The following DLGAP1 variants were observed in gnomAD, a reference collection of about 807,000 sequenced individuals.
The protein encoded by DLGAP1 is DLG associated protein 1.
DLGAP1 carries 11 observed loss-of-function variants against 90.8 expected under a neutral mutation model. That is an observed-to-expected ratio of 0.12 (90% CI 0.08 to 0.20). The LOEUF is 0.20. DLGAP1 is among the 10% of genes least tolerant of loss of function. The pLI, the probability that DLGAP1 is intolerant of heterozygous loss-of-function variation, is 1.00. For synonymous variants in DLGAP1, 558 were observed against 540.7 expected, an observed-to-expected ratio of 1.03 and a Z score of -0.44; for missense variants, 1,050 against 1,333.8, an observed-to-expected ratio of 0.79 and a Z score of 3.31.
intron 7 of DLGAP1, among the ~76,000 whole-genome samples, chr18:3,647,175 A>C (rs902179293): frequency 6.6e-6 from 1 of 151,722 alleles, no homozygotes; most frequent in Admixed American, 6.6e-5. Flanking sequence ...AATCGCTTGA[A>C]CCTGGGAGGC....
intron 1 of DLGAP1, among the ~76,000 whole-genome samples, chr18:4,207,697 G>A (rs1250868199): frequency 2.6e-5 from 4 of 152,082 alleles, no homozygotes; most frequent in Admixed American, 6.6e-5. Flanking sequence ...GGATCCACCC[G>A]CTTCTCCACA....
intron 1 of DLGAP1, among the ~76,000 whole-genome samples, chr18:4,280,510 A>T (rs1378089823): frequency 6.6e-6 from 1 of 152,190 alleles, no homozygotes; most frequent in African/African-American, 2.4e-5. Context: ...AATGGTAGAG[A>T]GGTGCTTAAA....
chr18:4,343,739 G>T (rs1320587022), intron 1 of DLGAP1, among the ~76,000 whole-genome samples: 1 of 152,102 alleles, frequency 6.6e-6, no homozygotes. Context: ...CATGGCACAT[G>T]TATACCTATG....
chr18:4,399,677 C>T (rs9950153), intron 1 of DLGAP1, among the ~76,000 whole-genome samples: 14,240 of 152,202 alleles, frequency 0.094, 1,191 homozygotes, highest in African/African-American at 0.23. Context: ...GATGTGAAGC[C>T]TACTACTTTT....
intron 1 of DLGAP1, among the ~76,000 whole-genome samples, chr18:4,307,317 ACAGACTC>A (rs930505250): frequency 2.6e-5 from 4 of 152,150 alleles, no homozygotes; most frequent in Admixed American, 2.6e-4. Flanking sequence ...TTGCTAGGTG[ACAGACTC>A]CTTCTCCTCT....
intron 7 of DLGAP1, among the ~76,000 whole-genome samples, chr18:3,614,200 G>C (rs1426186786): frequency 5.1e-5 from 1 of 19,582 alleles, no homozygotes; most frequent in Non-Finnish European, 7.8e-5. Flanking sequence ...GATTACAGGC[G>C]AGCCACCGTG....
chr18:3,904,656 TA>T (rs2148885707), intron 3 of DLGAP1, among the ~76,000 whole-genome samples: 1 of 152,326 alleles, frequency 6.6e-6, no homozygotes, highest in Admixed American at 6.5e-5. Flanking sequence ...TTTAACCACT[TA>T]ATGAATCAGT....
chr18:4,353,287 C>T (rs1018937512), intron 1 of DLGAP1, among the ~76,000 whole-genome samples: 1 of 152,176 alleles, frequency 6.6e-6, no homozygotes, highest in Admixed American at 6.5e-5. Context: ...AGGCTTCCCA[C>T]TGAGCACGGG....
At chr18:4,094,180 G>A (rs2075634128) in intron 2 of DLGAP1, among the ~76,000 whole-genome samples, 1 of 151,910 alleles carries the variant, frequency 6.6e-6, no homozygotes, top group Admixed American at 6.6e-5. Flanking sequence ...TTCTAAAATT[G>A]ACATTAATTC....
At chr18:4,165,088 T>C (rs1215187542) in intron 1 of DLGAP1, among the ~76,000 whole-genome samples, 1 of 152,120 alleles carries the variant, frequency 6.6e-6, no homozygotes, top group East Asian at 1.9e-4. Flanking sequence ...AAGGAAATAA[T>C]GATTGAACAC....
intron 9 of DLGAP1, among the ~76,000 whole-genome samples, chr18:3,559,173 A>G (rs1182342007): frequency 1.3e-5 from 2 of 152,228 alleles, no homozygotes; most frequent in Non-Finnish European, 2.9e-5. Flanking sequence ...GATGAATCCA[A>G]TTTTTCTGAA....
At chr18:3,767,436 GA>G (rs2147973102) in intron 5 of DLGAP1, among the ~76,000 whole-genome samples, 1 of 151,780 alleles carries the variant, frequency 6.6e-6, no homozygotes, top group Admixed American at 6.6e-5. Flanking sequence ...ATCAAAAGCA[GA>G]AAAAGACAGT....
chr18:3,906,783 T>C (rs1026301877), intron 3 of DLGAP1, among the ~76,000 whole-genome samples: 14 of 152,230 alleles, frequency 9.2e-5, no homozygotes, highest in African/African-American at 3.4e-4. Flanking sequence ...CATGTCTACA[T>C]TTAAATAAAC....
At chr18:3,920,666 C>T (rs899129303) in intron 3 of DLGAP1, among the ~76,000 whole-genome samples, 4 of 152,148 alleles carry the variant, frequency 2.6e-5, no homozygotes, top group African/African-American at 7.2e-5. Context: ...CTCTCTCTCT[C>T]CCACTCCGCT....
At chr18:3,649,795 TAAAA>T (rs71996354) in intron 7 of DLGAP1, among the ~76,000 whole-genome samples, 1 of 148,086 alleles carries the variant, frequency 6.8e-6, no homozygotes, top group Non-Finnish European at 1.5e-5. Context: ...AAGATAAACT[TAAAA>T]AAAAAAGTAA....
rs191842957 is a variant in DLGAP1, at chr18:4,066,963, G to A, written c.-158-61762C>T. ...ATGATAGACTGGATAAAGAAAATGT[G>A]GTACATATACACCATGGAATACTAT... is the stretch of plus-strand genomic sequence containing the variant. On this transcript the variant is annotated intron_variant, in intron 2 of 12. Transcript: ENST00000315677. Among the ~76,000 whole-genome samples, 6 of 152,180 alleles carry A rather than the reference G, an allele frequency of 3.9e-5. No homozygotes were observed. The East Asian group carries it at 9.7e-4, about 24-fold the overall frequency.
At chr18:3,519,399 C>T (rs1449615658) in intron 10 of DLGAP1, among the ~76,000 whole-genome samples, 1 of 152,170 alleles carries the variant, frequency 6.6e-6, no homozygotes, top group African/African-American at 2.4e-5. Flanking sequence ...CCCGTTAGTC[C>T]TTTGCAATGT....
chr18:3,557,252 T>C (rs1028548255), intron 9 of DLGAP1, among the ~76,000 whole-genome samples: 1 of 152,218 alleles, frequency 6.6e-6, no homozygotes, highest in Non-Finnish European at 1.5e-5. Flanking sequence ...CCGGGTGCGG[T>C]GGCTCACGCC....
chr18:3,885,704 C>T (rs990410874), intron 3 of DLGAP1, among the ~76,000 whole-genome samples: 17 of 152,324 alleles, frequency 1.1e-4, no homozygotes, highest in South Asian at 1.0e-3. Context: ...CTTCAACATT[C>T]TGTTTTATTG....
Sources: allele counts gnomAD v4.1 joint callset (sites outside exome capture counted in the v4.1 genomes callset), GRCh38; gene constraint gnomAD v4.1.1; transcripts MANE v1.5; gene names NCBI Gene and HGNC (gene_info 2026-07-23, HGNC 2026-07-21).